The following PDE4B variants were observed in gnomAD, a reference collection of about 807,000 sequenced individuals.
PDE4B encodes phosphodiesterase 4B.
A neutral mutation model predicts 82.2 loss-of-function variants in PDE4B; 20 were observed. The ratio of observed to expected loss-of-function variants is 0.24; its 90% CI spans 0.17 to 0.35. PDE4B has a LOEUF of 0.35. Among genes scored for constraint, PDE4B ranks in the 10% least tolerant of loss-of-function variants. The probability of loss-of-function intolerance (pLI) is 1.00; values close to 1 mark genes in which losing one functional copy is unlikely to be tolerated. For missense variants in PDE4B, 655 were observed against 907.2 expected, an observed-to-expected ratio of 0.72 and a Z score of 3.57; for synonymous variants, 320 against 318.9, an observed-to-expected ratio of 1.00 and a Z score of -0.04.
chr1:65,945,410 A>G (rs1425072000), intron 3 of PDE4B, among the ~76,000 whole-genome samples: 1 of 151,926 alleles, frequency 6.6e-6, no homozygotes, highest in African/African-American at 2.4e-5. Flanking sequence ...TGGATAGTGA[A>G]CTGGCTGAGA....
intron 3 of PDE4B, among the ~76,000 whole-genome samples, chr1:66,202,459 C>G (rs1649071624): frequency 6.6e-6 from 1 of 152,092 alleles, no homozygotes; most frequent in African/African-American, 2.4e-5. Context: ...TTAAAGTCTT[C>G]CATTATTATT....
rs1652580782 is a variant in PDE4B, at chr1:66,237,822, A to T, written c.282-9638A>T. ...CGCTCACACAGTCAATTATTCTTTC[A>T]TTAATCTATTGAGCAGACATTTGTT... is the stretch of plus-strand genomic sequence containing the variant. On this transcript the variant is annotated intron_variant, in intron 3 of 16. Transcript: ENST00000341517. Among the ~76,000 whole-genome samples the T allele has an allele frequency of 2.0e-5, 3 of 152,224 alleles. No individual in the cohort carries two copies. The South Asian group carries it at 6.2e-4, about 31-fold the overall frequency.
chr1:65,813,563 G>A (rs1163582087), intron 1 of PDE4B, among the ~76,000 whole-genome samples: 1 of 152,088 alleles, frequency 6.6e-6, no homozygotes, highest in African/African-American at 2.4e-5. Context: ...TTTCATTGTG[G>A]GCCCTGGAAA....
At chr1:66,360,450 T>C (rs1381201210) in intron 9 of PDE4B, 1 of 152,086 alleles carries the variant, frequency 6.6e-6, no homozygotes, top group Non-Finnish European at 1.5e-5. Context: ...TCAAAACAAA[T>C]CGTCTAGATC....
At chr1:66,083,480 C>A (rs1656846103) in intron 3 of PDE4B, among the ~76,000 whole-genome samples, 1 of 152,080 alleles carries the variant, frequency 6.6e-6, no homozygotes, top group Admixed American at 6.6e-5. Context: ...CTGTTTTCCA[C>A]AGTTTATCTT....
At chr1:66,302,095 T>C (rs1000272173) in intron 7 of PDE4B, among the ~76,000 whole-genome samples, 3 of 152,094 alleles carry the variant, frequency 2.0e-5, no homozygotes, top group African/African-American at 7.2e-5. Flanking sequence ...CTAAACTGCT[T>C]CGAAATTGCA....
At chr1:66,016,450 T>C (rs556889263) in intron 3 of PDE4B, among the ~76,000 whole-genome samples, 3 of 152,350 alleles carry the variant, frequency 2.0e-5, no homozygotes, top group African/African-American at 7.2e-5. Flanking sequence ...TTGACACCAT[T>C]ATTCAGCTGT....
chr1:65,992,994 C>CT, intron 3 of PDE4B: 1 of 1,613,984 alleles, frequency 6.2e-7, no homozygotes, highest in Non-Finnish European at 8.5e-7. Context: ...GCATTTAGAA[C>CT]TTGAGCTTCC....
intron 1 of PDE4B, among the ~76,000 whole-genome samples, chr1:65,864,613 C>G (rs1391088405): frequency 1.3e-5 from 2 of 152,152 alleles, no homozygotes; most frequent in African/African-American, 4.8e-5. Flanking sequence ...TTCTAACAGT[C>G]AGGCCCCCTC....
At chr1:65,923,973 T>C (rs1248944913) in intron 3 of PDE4B, among the ~76,000 whole-genome samples, 2 of 151,932 alleles carry the variant, frequency 1.3e-5, no homozygotes, top group Non-Finnish European at 1.5e-5. Flanking sequence ...TTTTATAAAC[T>C]TCTTTGTCTT....
At chr1:66,072,557 A>C (rs191000686) in intron 3 of PDE4B, among the ~76,000 whole-genome samples, 2 of 152,248 alleles carry the variant, frequency 1.3e-5, no homozygotes. Flanking sequence ...TGGAGAGTGG[A>C]GTTTTCCCTG....
chr1:65,857,610 C>T (rs1468791974), intron 1 of PDE4B, among the ~76,000 whole-genome samples: 1 of 152,074 alleles, frequency 6.6e-6, no homozygotes, highest in African/African-American at 2.4e-5. Flanking sequence ...TCTCTTGAGC[C>T]CAGGAGTTTG....
At chr1:66,013,081 T>C (rs1652574513) in intron 3 of PDE4B, among the ~76,000 whole-genome samples, 1 of 152,168 alleles carries the variant, frequency 6.6e-6, no homozygotes, top group South Asian at 2.1e-4. Context: ...GAAACTGTGC[T>C]ATGACTGAAT....
intron 1 of PDE4B, among the ~76,000 whole-genome samples, chr1:65,861,443 T>G (rs1199164521): frequency 1.3e-5 from 2 of 152,224 alleles, no homozygotes; most frequent in Non-Finnish European, 2.9e-5. Flanking sequence ...CTGTTTTGGT[T>G]ACTGTAGCCT....
chr1:65,887,172 C>T (rs1429520465), intron 1 of PDE4B, among the ~76,000 whole-genome samples: 1 of 133,950 alleles, frequency 7.5e-6, no homozygotes, highest in Non-Finnish European at 1.6e-5. Context: ...CCTTCCTTCC[C>T]TCCCTCCCTC....
At chr1:66,015,775 G>A (rs1569982767) in intron 3 of PDE4B, among the ~76,000 whole-genome samples, 1 of 152,112 alleles carries the variant, frequency 6.6e-6, no homozygotes, top group South Asian at 2.1e-4. Flanking sequence ...GGGGGTGTTT[G>A]ATTAGAACTT....
chr1:66,029,224 T>A (rs1653624866), intron 3 of PDE4B, among the ~76,000 whole-genome samples: 1 of 152,192 alleles, frequency 6.6e-6, no homozygotes, highest in Admixed American at 6.5e-5. Context: ...AAACCCTTAA[T>A]AAACCCATCA....
At chr1:66,145,590 G>C (rs1447613087) in intron 3 of PDE4B, among the ~76,000 whole-genome samples, 1 of 152,160 alleles carries the variant, frequency 6.6e-6, no homozygotes, top group Non-Finnish European at 1.5e-5. Flanking sequence ...TATGATGAAT[G>C]CAGTTATGTT....
At chr1:65,982,091 T>A (rs1650718101) in intron 3 of PDE4B, among the ~76,000 whole-genome samples, 1 of 152,162 alleles carries the variant, frequency 6.6e-6, no homozygotes, top group South Asian at 2.1e-4. Context: ...GTAGGAAAGG[T>A]CTAGATTGCC....
Sources: allele counts gnomAD v4.1 joint callset (sites outside exome capture counted in the v4.1 genomes callset), GRCh38; gene constraint gnomAD v4.1.1; transcripts MANE v1.5; gene names NCBI Gene and HGNC (gene_info 2026-07-23, HGNC 2026-07-21).